Variants in ABTB3 observed in about 807,000 individuals in gnomAD.
ABTB3 encodes ankyrin repeat and BTB domain containing 3, also known as ankyrin repeat- and BTB/POZ domain-containing protein 3.
At chr12:107,579,829 A>G in the ABTB3 span, among the ~76,000 whole-genome samples, 1 of 152,100 alleles carries the variant, frequency 6.6e-6, no homozygotes, top group Non-Finnish European at 1.5e-5. Context: ...TGCTAGTCTG[A>G]CCCCTGCTGA....
chr12:107,349,277 T>A, the ABTB3 span, among the ~76,000 whole-genome samples: 9 of 152,152 alleles, frequency 5.9e-5, no homozygotes, highest in Non-Finnish European at 8.8e-5. Context: ...ATCTATAACA[T>A]CATTGTTCTC....
At chr12:107,443,556 G>A in the ABTB3 span, among the ~76,000 whole-genome samples, 4 of 152,110 alleles carry the variant, frequency 2.6e-5, no homozygotes, top group Non-Finnish European at 4.4e-5. Flanking sequence ...AAGAACAGCA[G>A]GGACAGCAGT....
the ABTB3 span, among the ~76,000 whole-genome samples, chr12:107,587,776 A>G: frequency 1.3e-5 from 2 of 152,200 alleles, no homozygotes; most frequent in Non-Finnish European, 2.9e-5. Flanking sequence ...TTTGCTGTAC[A>G]TGCTTAGGCT....
chr12:107,508,048 A>G, the ABTB3 span, among the ~76,000 whole-genome samples: 1 of 151,186 alleles, frequency 6.6e-6, no homozygotes, highest in African/African-American at 2.4e-5. Flanking sequence ...TATTGAGTAG[A>G]TTGATGGAAG....
the ABTB3 span, chr12:107,610,087 C>T: frequency 1.5e-4 from 203 of 1,377,588 alleles, no homozygotes; most frequent in Non-Finnish European, 1.9e-4. Flanking sequence ...AGGCAATTTA[C>T]ATGAAAAGCA....
At chr12:107,450,646 T>G in the ABTB3 span, among the ~76,000 whole-genome samples, 3 of 152,194 alleles carry the variant, frequency 2.0e-5, no homozygotes, top group African/African-American at 7.2e-5. Flanking sequence ...TGTCCAGGTT[T>G]GTCGACAAAC....
At chr12:107,508,438 CTTTTTTTTT>C in the ABTB3 span, among the ~76,000 whole-genome samples, 28 of 69,166 alleles carry the variant, frequency 4.0e-4, no homozygotes, top group East Asian at 3.7e-3. Context: ...AAGATCATTT[CTTTTTTTTT>C]TTTTTTTTTT....
At chr12:107,487,658 T>G in the ABTB3 span, among the ~76,000 whole-genome samples, 3 of 152,136 alleles carry the variant, frequency 2.0e-5, no homozygotes, top group African/African-American at 7.2e-5. Context: ...TTTTACCTCC[T>G]TCTACTCCAG....
chr12:107,380,781 C>A, the ABTB3 span, among the ~76,000 whole-genome samples: 1 of 152,060 alleles, frequency 6.6e-6, no homozygotes, highest in Non-Finnish European at 1.5e-5. Flanking sequence ...CACGAAAGGG[C>A]AAGAGGAATG....
chr12:107,567,973 A>T, the ABTB3 span, among the ~76,000 whole-genome samples: 1 of 152,164 alleles, frequency 6.6e-6, no homozygotes, highest in African/African-American at 2.4e-5. Flanking sequence ...TGATGTATTG[A>T]TGTGCTGATG....
At chr12:107,537,168 TAA>T in the ABTB3 span, among the ~76,000 whole-genome samples, 7 of 148,674 alleles carry the variant, frequency 4.7e-5, no homozygotes, top group Non-Finnish European at 9.0e-5. Flanking sequence ...TATGGAATCT[TAA>T]AAAAAAAAAT....
chr12:107,410,040 T>C, the ABTB3 span, among the ~76,000 whole-genome samples: 1 of 152,046 alleles, frequency 6.6e-6, no homozygotes, highest in Non-Finnish European at 1.5e-5. Flanking sequence ...CATGAAGCCC[T>C]GGCCCAGCTG....
At chr12:107,630,568 C>T in the ABTB3 span, among the ~76,000 whole-genome samples, 2 of 151,898 alleles carry the variant, frequency 1.3e-5, no homozygotes, top group African/African-American at 2.4e-5. Flanking sequence ...CTCAACCTCC[C>T]GAGTAGCTGG....
At chr12:107,500,808 C>A in the ABTB3 span, among the ~76,000 whole-genome samples, 1 of 152,230 alleles carries the variant, frequency 6.6e-6, no homozygotes, top group African/African-American at 2.4e-5. Flanking sequence ...CGGAAGACTG[C>A]AGCCCAGCCT....
At chr12:107,362,248 C>T in the ABTB3 span, among the ~76,000 whole-genome samples, 1 of 152,182 alleles carries the variant, frequency 6.6e-6, no homozygotes, top group African/African-American at 2.4e-5. Context: ...CAGACCTCAA[C>T]CTGGAACTAT....
At chr12:107,571,517 G>A in the ABTB3 span, among the ~76,000 whole-genome samples, 1 of 152,354 alleles carries the variant, frequency 6.6e-6, no homozygotes, top group East Asian at 1.9e-4. Context: ...GCCCTGACCA[G>A]GCCCGTCCCT....
At chr12:107,407,285 C>T in the ABTB3 span, among the ~76,000 whole-genome samples, 95 of 152,330 alleles carry the variant, frequency 6.2e-4, no homozygotes, top group African/African-American at 2.1e-3. Flanking sequence ...TTTCTCCTCT[C>T]CTGTATTTTT....
the ABTB3 span, among the ~76,000 whole-genome samples, chr12:107,458,334 C>T: frequency 2.0e-5 from 3 of 152,160 alleles, no homozygotes; most frequent in Non-Finnish European, 4.4e-5. Flanking sequence ...TAAGGTCACT[C>T]AGTAAGCAAA....
the ABTB3 span, among the ~76,000 whole-genome samples, chr12:107,484,815 A>G: frequency 6.6e-6 from 1 of 152,166 alleles, no homozygotes; most frequent in African/African-American, 2.4e-5. Context: ...AAGAGGCAAC[A>G]GGATTTGCTG....
Sources: allele counts gnomAD v4.1 joint callset (sites outside exome capture counted in the v4.1 genomes callset), GRCh38; gene constraint gnomAD v4.1.1; transcripts MANE v1.5; gene names NCBI Gene and HGNC (gene_info 2026-07-23, HGNC 2026-07-21).